The following COL21A1 variants were observed in gnomAD, a reference collection of about 807,000 sequenced individuals.
COL21A1 encodes collagen type XXI alpha 1 chain.
COL21A1 carries 149 observed loss-of-function variants against 137.9 expected under a neutral mutation model. The ratio of observed to expected loss-of-function variants is 1.08; its 90% CI spans 0.95 to 1.24. The LOEUF is 1.24. COL21A1 is among the 50% of genes most tolerant of loss of function. The pLI, the probability that COL21A1 is intolerant of heterozygous loss-of-function variation, is 0.00. For synonymous variants in COL21A1, 456 were observed against 391.5 expected (o/e 1.16, Z -1.95); for missense variants, 1,167 against 1,158.4 (o/e 1.01, Z -0.11).
intron 1 of COL21A1, among the ~76,000 whole-genome samples, chr6:56,263,999 G>T (rs568574013): frequency 6.6e-6 from 1 of 151,768 alleles, no homozygotes; most frequent in African/African-American, 2.4e-5. Context: ...AACACACAAA[G>T]ATGAAAATAT....
intron 20 of COL21A1, among the ~76,000 whole-genome samples, chr6:56,073,466 C>T (rs977521902): frequency 3.3e-5 from 5 of 151,378 alleles, no homozygotes; most frequent in African/African-American, 9.7e-5. Context: ...ACTCATATGC[C>T]AGGGTCTATT....
chr6:56,174,809 G>C (rs1195011909), intron 3 of COL21A1, among the ~76,000 whole-genome samples: 1 of 151,858 alleles, frequency 6.6e-6, no homozygotes, highest in African/African-American at 2.4e-5. Flanking sequence ...ATTTTTATAA[G>C]GCCAGCATTA....
At chr6:56,067,037 TA>T (rs1332659882) in intron 23 of COL21A1, among the ~76,000 whole-genome samples, 3 of 150,426 alleles carry the variant, frequency 2.0e-5, no homozygotes, top group Non-Finnish European at 4.4e-5. Flanking sequence ...TATAAATACA[TA>T]TTAGAAGTAT....
chr6:56,307,289 G>C (rs1764486415), intron 1 of COL21A1, among the ~76,000 whole-genome samples: 1 of 152,216 alleles, frequency 6.6e-6, no homozygotes, highest in African/African-American at 2.4e-5. Context: ...GGATTCTGCT[G>C]CCTTTTGTTT....
Position 56,174,298 on chromosome 6 carries a change from C to T in COL21A1, c.641-3170G>A, listed in dbSNP as rs1358027598. 5.9e-5 allele frequency among the ~76,000 whole-genome samples: 9 copies of T among 151,574 alleles called. No homozygotes were observed. The East Asian group carries it at 7.7e-4, about 13-fold the overall frequency. On this transcript the variant is annotated intron_variant, in intron 3 of 29. Transcript: ENST00000244728. Reference sequence around the variant, plus strand: ...ACAGAAAAAAAAGACAAACTAAGCCCGAAGTTAGCAGGAGGAAAAAAATAA... The same window carrying T: ...ACAGAAAAAAAAGACAAACTAAGCCTGAAGTTAGCAGGAGGAAAAAAATAA...
intron 1 of COL21A1, among the ~76,000 whole-genome samples, chr6:56,362,255 AG>A (rs1765991339): frequency 6.6e-6 from 1 of 152,208 alleles, no homozygotes; most frequent in Admixed American, 6.5e-5. Flanking sequence ...TCGTGTCTGA[AG>A]AAAACTCACT....
rs116147384 is a variant in COL21A1, at chr6:56,223,949, G to A, written c.-39+23438C>T. 4.2e-3 allele frequency among the ~76,000 whole-genome samples: 642 copies of A among 152,162 alleles called. 7 individuals carry two copies. Among genetic ancestry groups the A allele is most frequent in the African/African-American group, 0.015 (618 of 41,554 alleles). On this transcript the variant is annotated intron_variant, in intron 1 of 29. Transcript: ENST00000244728. ...CCACCTATTTTCCCAAAGATGTTGA[G>A]ATACATCCCCTACAGCCTTGGGAGA...
At chr6:56,333,172 A>C (rs1289542426) in intron 1 of COL21A1, among the ~76,000 whole-genome samples, 1 of 149,392 alleles carries the variant, frequency 6.7e-6, no homozygotes, top group African/African-American at 2.5e-5. Context: ...GCAATTTGAT[A>C]AGTTTTGATA....
intron 12 of COL21A1, among the ~76,000 whole-genome samples, chr6:56,131,445 A>C (rs1244229625): frequency 6.6e-6 from 1 of 151,608 alleles, no homozygotes; most frequent in Non-Finnish European, 1.5e-5. Flanking sequence ...TGGGAGATAC[A>C]ATTGTTTTTC....
rs1392072112 is a variant in COL21A1 at position 56,180,641 on chromosome 6, C to T, written c.89-512G>A. Reference sequence around the variant, plus strand: ...CCTTTTGGGGAAAAAAAAATACCATCTTTGGTGCAAGTTACATTTGAACAA... The same window carrying T: ...CCTTTTGGGGAAAAAAAAATACCATTTTTGGTGCAAGTTACATTTGAACAA... On this transcript the variant is annotated intron_variant, in intron 2 of 29. Transcript: ENST00000244728. Among the ~76,000 whole-genome samples the T allele has an allele frequency of 2.0e-5, 3 of 152,172 alleles. No individual in the cohort carries two copies. The East Asian group carries it at 5.8e-4, about 29-fold the overall frequency.
Position 56,164,451 on chromosome 6 carries a change from G to A in COL21A1, c.1343C>T (p.Pro448Leu), listed in dbSNP as rs529924012. ...GSTPAPCICP[P>L]GKPGLQGPKG... ...GGGGCCTTGAAGTCCTGGTTTTCCC[G>A]GAGGACAAATACAGGGAGCTGGAGT... Residue 448 changes from proline (P) to leucine (L), a missense_variant, in exon 9 of 30, where the codon CCG (proline) becomes CTG (leucine). Transcript: ENST00000244728. The A allele has an allele frequency of 1.8e-4, 293 of 1,589,146 alleles. No individual in the cohort carries two copies. Among genetic ancestry groups the A allele is most frequent in the Non-Finnish European group, 2.1e-4 (249 of 1,166,714 alleles).
At position 56,276,809 on chromosome 6, in the gene COL21A1, T is replaced by C. The variant is rs112861056; in HGVS notation, c.-38-94153A>G. 1.6e-3 allele frequency: 1,490 copies of C among 927,372 alleles called. 18 individuals carry two copies. The African/African-American group carries it at 0.022, about 14-fold the overall frequency. 57.4% of individuals were successfully genotyped at this position (927,372 alleles called of 1,614,324 possible). On this transcript the variant is annotated intron_variant, in intron 1 of 28. Coordinates refer to the COL21A1 transcript ENST00000370819. ...GTTCAGTGAGTTGTGTTTTTTTTGT[T>C]TTTTTTGTTTTTTTTTTGAGACAGA...
At position 56,172,964 on chromosome 6, in the gene COL21A1, A is replaced by T. The variant is rs865896286; in HGVS notation, c.641-1836T>A. On this transcript the variant is annotated intron_variant, in intron 3 of 29. Transcript: ENST00000244728. The stretch of plus-strand genomic sequence containing the variant: ...AAAAAGCAATAAAACACAAAGGAAG[A>T]CAGTAAAAGAAAAAAAGAGGGACAA... Among the ~76,000 whole-genome samples the T allele has an allele frequency of 2.2e-4, 34 of 152,224 alleles. 1 individual carries two copies. Among genetic ancestry groups the T allele is most frequent in the Middle Eastern group, 3.4e-3 (1 of 294 alleles).
intron 2 of COL21A1, among the ~76,000 whole-genome samples, chr6:56,181,353 A>G (rs1018119644): frequency 6.6e-6 from 1 of 152,022 alleles, no homozygotes; most frequent in Admixed American, 6.6e-5. Flanking sequence ...TGGAAGCTGG[A>G]TGGACTAGGA....
In COL21A1 at chr6:56,119,329, TCA is replaced by T. The variant is rs542003715; in HGVS notation, c.1758+4731_1758+4732del. Reference sequence around the variant, plus strand: ...TAAAAAGTAATCCCATTTACAATAGTCACAAATAAAATTAAATATCTAAGAAT... The same window carrying T: ...TAAAAAGTAATCCCATTTACAATAGTCAAATAAAATTAAATATCTAAGAAT... On this transcript the variant is annotated intron_variant, in intron 16 of 29. Transcript: ENST00000244728. 2.8e-3 allele frequency among the ~76,000 whole-genome samples: 423 copies of T among 151,940 alleles called. 5 individuals carry two copies. The highest frequency in any genetic ancestry group is 0.024 in the South Asian group (115 of 4,818).
At chr6:56,235,471 T>C (rs1781840547) in intron 1 of COL21A1, among the ~76,000 whole-genome samples, 1 of 151,962 alleles carries the variant, frequency 6.6e-6, no homozygotes, top group Non-Finnish European at 1.5e-5. Flanking sequence ...AATGAGTCAC[T>C]GAACACTCTG....
At chr6:56,315,264 G>A (rs1269900051) in intron 1 of COL21A1, among the ~76,000 whole-genome samples, 1 of 152,114 alleles carries the variant, frequency 6.6e-6, no homozygotes, top group East Asian at 1.9e-4. Flanking sequence ...TTGCCCCTCG[G>A]GCCTACATGC....
intron 12 of COL21A1, 124 bp from the exon 13 acceptor site, chr6:56,126,273 C>A: frequency 1.6e-6 from 1 of 622,552 alleles, no homozygotes; most frequent in Non-Finnish European, 2.8e-6. Context: ...CAGTTAATTT[C>A]ATATCAGCAT....
intron 1 of COL21A1, among the ~76,000 whole-genome samples, chr6:56,223,352 T>C (rs1281618206): frequency 1.3e-5 from 2 of 152,156 alleles, no homozygotes; most frequent in African/African-American, 4.8e-5. Context: ...TTTCATATTT[T>C]ATTCAGGCTT....
Sources: gnomAD v4.1 joint callset for allele counts (sites outside exome capture counted in the v4.1 genomes callset) on GRCh38, gnomAD v4.1.1 for gene constraint, MANE v1.5 for transcripts, NCBI Gene and HGNC (gene_info 2026-07-23, HGNC 2026-07-21) for gene names.